URI1: variants seen among roughly 807,000 people sequenced by gnomAD.
The protein encoded by URI1 is URI1 prefoldin like chaperone.
URI1 carries 39 observed loss-of-function variants against 60.2 expected under a neutral mutation model. The observed-to-expected ratio is 0.65, with a 90% CI of 0.50 to 0.85. The LOEUF is 0.85. Among genes scored for constraint, URI1 ranks in the 40% least tolerant of loss-of-function variants. URI1 has a pLI of 0.00. For missense variants in URI1, 691 were observed against 665.9 expected (o/e 1.04, Z -0.42); for synonymous variants, 251 against 236.8 (o/e 1.06, Z -0.55).
intron 1 of URI1, among the ~76,000 whole-genome samples, chr19:29,943,514 T>G (rs1243308522): frequency 6.6e-6 from 1 of 152,234 alleles, no homozygotes; most frequent in East Asian, 1.9e-4. Context: ...ATGTCATGTT[T>G]GGAAGAGCAT....
chr19:29,977,610 T>C (rs939634203), intron 2 of URI1, among the ~76,000 whole-genome samples: 1 of 137,148 alleles, frequency 7.3e-6, no homozygotes, highest in African/African-American at 2.7e-5. Context: ...TGCCAAACTT[T>C]CTGGAAATTT....
At chr19:29,968,565 C>CTTTTTTTTT (rs35475321) in intron 1 of URI1, among the ~76,000 whole-genome samples, 3 of 74,426 alleles carry the variant, frequency 4.0e-5, no homozygotes, top group African/African-American at 1.0e-4. Context: ...CTAATTTTTT[C>CTTTTTTTTT]TTTTTTTTTT....
At chr19:29,930,059 C>A (rs924662913) in intron 1 of URI1, among the ~76,000 whole-genome samples, 2 of 151,620 alleles carry the variant, frequency 1.3e-5, no homozygotes, top group African/African-American at 2.4e-5. Flanking sequence ...CCTGCCTCAG[C>A]CTCCCAAGTA....
Position 30,009,066 on chromosome 19 carries a change from G to A in URI1, c.748G>A (p.Asp250Asn). 1 of 1,613,898 alleles carries A rather than the reference G, an allele frequency of 6.2e-7. No homozygotes were observed. Among genetic ancestry groups the A allele is most frequent in the Non-Finnish European group, 8.5e-7 (1 of 1,179,896 alleles). ...GACATCTTCTGAAGAGGAAAAGGAA[G>A]ATCGTAACACAAATGTGAATGCGAT... ...DTTSSEEEKE[D>N]RNTNVNAMHQ... Residue 250 changes from aspartate (D) to asparagine (N), a missense_variant, in exon 8 of 11, where the codon GAT becomes AAT. Physicochemically the swap from Asp to Asn is conservative, Grantham distance 23 (BLOSUM62 1). Transcript: ENST00000392271.
intron 1 of URI1, chr19:29,925,688 G>C (rs1030759508): frequency 6.6e-6 from 1 of 152,254 alleles, no homozygotes; most frequent in African/African-American, 2.4e-5. Flanking sequence ...CTTACACAGG[G>C]CTGTGCACTC....
Position 29,923,847 on chromosome 19 carries a change from G to A in URI1, c.63+93G>A, listed in dbSNP as rs2054842998. The stretch of plus-strand genomic sequence containing the variant: ...ACCACATGGATTAGTCAGAGAAACA[G>A]AATGAACAAGATACAGATGGCGCTG... On this transcript the variant is annotated intron_variant, in intron 1 of 10. Coordinates refer to the URI1 transcript ENST00000360605. 6 of 1,267,938 alleles carry A rather than the reference G, an allele frequency of 4.7e-6. No homozygotes were observed. In the East Asian group the frequency reaches 1.5e-4, roughly 32 times the overall value. 78.5% of individuals were successfully genotyped at this position (1,267,938 alleles called of 1,614,324 possible).
In URI1 at chr19:30,015,124, A is replaced by G; in HGVS notation, c.*55A>G. On this transcript the variant is annotated 3_prime_UTR_variant, in exon 11 of 11. Transcript: ENST00000392271. ...CTAAAACCTAGTTGTTCATTTGTTT[A>G]GAGTATCTATAGCAAAATAGGTTAC... 6.3e-7 allele frequency: 1 copy of G among 1,576,268 alleles called. No homozygotes were observed. Among genetic ancestry groups the G allele is most frequent in the Non-Finnish European group, 8.6e-7 (1 of 1,164,398 alleles).
At chr19:29,947,884 T>C (rs1031080634) in intron 1 of URI1, among the ~76,000 whole-genome samples, 13 of 152,348 alleles carry the variant, frequency 8.5e-5, no homozygotes, top group East Asian at 7.7e-4. Flanking sequence ...TATCCTCTTA[T>C]ATTGTCTAAT....
chr19:29,968,438 A>C (rs1370779241), intron 1 of URI1, among the ~76,000 whole-genome samples: 1 of 152,094 alleles, frequency 6.6e-6, no homozygotes, highest in Non-Finnish European at 1.5e-5. Flanking sequence ...TTAATACTTA[A>C]AGTAATTAAT....
rs56078950 is a variant in URI1, at chr19:29,933,824, TAA to T, written c.63+10081_63+10082del. 3.6e-3 allele frequency among the ~76,000 whole-genome samples: 533 copies of T among 148,580 alleles called. 1 individual carries two copies. The highest frequency in any genetic ancestry group is 0.012 in the African/African-American group (486 of 40,286). ...GCAACAGAGTGAGACTCGATCTCTT[TAA>T]AAAAAAAAAATCAACTTTTATTTTC... On this transcript the variant is annotated intron_variant, in intron 1 of 10. Transcript: ENST00000360605.
chr19:29,943,107 A>T (rs896633365), intron 1 of URI1, among the ~76,000 whole-genome samples: 1 of 151,980 alleles, frequency 6.6e-6, no homozygotes, highest in African/African-American at 2.4e-5. Flanking sequence ...TCACAATATA[A>T]TGCCATTTAA....
At chr19:29,953,841 G>A (rs536045391) in intron 1 of URI1, among the ~76,000 whole-genome samples, 49 of 152,068 alleles carry the variant, frequency 3.2e-4, no homozygotes, top group African/African-American at 1.2e-3. Flanking sequence ...TATGGTAATT[G>A]CAGAATAAAA....
intron 2 of URI1, among the ~76,000 whole-genome samples, chr19:29,975,335 AT>A (rs1358687299): frequency 3.3e-5 from 5 of 152,118 alleles, no homozygotes; most frequent in Non-Finnish European, 7.3e-5. Context: ...TTCAGTATAT[AT>A]CTTTAAGAGA....
intron 4 of URI1, among the ~76,000 whole-genome samples, chr19:30,002,371 G>A (rs956962085): frequency 1.3e-5 from 2 of 151,682 alleles, no homozygotes; most frequent in Non-Finnish European, 2.9e-5. Context: ...TTTCTTTTTT[G>A]GTTTAAACAT....
chr19:29,928,812 T>C lies in URI1; in HGVS notation c.63+5058T>C, dbSNP rs1409049652. 2.0e-5 allele frequency among the ~76,000 whole-genome samples: 3 copies of C among 152,300 alleles called. No homozygotes were observed. In the East Asian group the frequency reaches 5.8e-4, roughly 29 times the overall value. On this transcript the variant is annotated intron_variant, in intron 1 of 10. Coordinates refer to the URI1 transcript ENST00000360605. ...GAAATTCAAATTTAATCGAATGACC[T>C]ATATTTGTATTTGCTAAACCTGGCA...
At chr19:29,946,720 T>C (rs2055107521) in intron 1 of URI1, among the ~76,000 whole-genome samples, 2 of 152,250 alleles carry the variant, frequency 1.3e-5, no homozygotes, top group Non-Finnish European at 2.9e-5. Flanking sequence ...GCACATAGTT[T>C]AAAGAACTGT....
chr19:29,968,737 A>AT (rs1182020110), intron 1 of URI1, among the ~76,000 whole-genome samples: 1 of 151,010 alleles, frequency 6.6e-6, no homozygotes, highest in Non-Finnish European at 1.5e-5. Context: ...ATGCCCGGCC[A>AT]TTTTTTTGTA....
At chr19:29,939,679 T>C (rs796931869), upstream of URI1, among the ~76,000 whole-genome samples, 15 of 152,228 alleles carry the variant, frequency 9.9e-5, no homozygotes, top group African/African-American at 3.4e-4. Context: ...GGACAGGAGA[T>C]CAAGAAAGCC....
intron 4 of URI1, among the ~76,000 whole-genome samples, chr19:29,992,285 A>G (rs1418547828): frequency 6.6e-6 from 1 of 152,024 alleles, no homozygotes; most frequent in Admixed American, 6.6e-5. Context: ...GGCTAGGCTG[A>G]TCTCGAACCC....
Sources: allele counts gnomAD v4.1 joint callset (sites outside exome capture counted in the v4.1 genomes callset), GRCh38; gene constraint gnomAD v4.1.1; transcripts MANE v1.5; gene names NCBI Gene and HGNC (gene_info 2026-07-23, HGNC 2026-07-21).